PLD5: variants seen among roughly 807,000 people sequenced by gnomAD.
PLD5 encodes the protein phospholipase D family member 5.
PLD5 carries 36 observed loss-of-function variants against 61.1 expected under a neutral mutation model. The ratio of observed to expected loss-of-function variants is 0.59; its 90% CI spans 0.45 to 0.78. The LOEUF is 0.78. Among genes scored for constraint, PLD5 ranks in the 30% least tolerant of loss-of-function variants. The pLI is 0.00. For synonymous variants in PLD5, 243 were observed against 242.8 expected (o/e 1.00, Z -0.01); for missense variants, 515 against 644.4 (o/e 0.80, Z 2.17).
At chr1:242,100,365 C>T (rs1015182637) in intron 9 of PLD5, among the ~76,000 whole-genome samples, 17 of 152,158 alleles carry the variant, frequency 1.1e-4, no homozygotes, top group Non-Finnish European at 2.1e-4. Flanking sequence ...CCAGGACTCA[C>T]CTTTGATGAG....
chr1:242,197,678 A>G (rs1453929001), intron 5 of PLD5, among the ~76,000 whole-genome samples: 3 of 145,236 alleles, frequency 2.1e-5, no homozygotes, highest in African/African-American at 7.8e-5. Context: ...TCTGTCCCCC[A>G]GGCTGGAATG....
chr1:242,484,214 C>A (rs1302432829), intron 1 of PLD5, among the ~76,000 whole-genome samples: 3 of 152,044 alleles, frequency 2.0e-5, no homozygotes, highest in Non-Finnish European at 4.4e-5. Flanking sequence ...AAGATCAGAG[C>A]AGAACTAAAG....
chr1:242,241,869 C>CTATATATATATA (rs752113161), intron 4 of PLD5, among the ~76,000 whole-genome samples: 3 of 70,856 alleles, frequency 4.2e-5, no homozygotes, highest in Admixed American at 1.8e-4. Context: ...GCTTTACTTA[C>CTATATATATATA]TATATATATA....
At chr1:242,449,328 C>G (rs552819164) in intron 1 of PLD5, 109 of 1,536,122 alleles carry the variant, frequency 7.1e-5, no homozygotes, top group Middle Eastern at 3.3e-4. Flanking sequence ...CACACTAGGT[C>G]TGTAGAAAAC....
chr1:242,321,572 T>G (rs1435795086), intron 2 of PLD5, among the ~76,000 whole-genome samples: 1 of 152,192 alleles, frequency 6.6e-6, no homozygotes, highest in Non-Finnish European at 1.5e-5. Flanking sequence ...CCCAAAGTGC[T>G]GGGATTACAG....
At chr1:242,510,863 A>G (rs183028663) in intron 1 of PLD5, among the ~76,000 whole-genome samples, 76 of 152,228 alleles carry the variant, frequency 5.0e-4, no homozygotes, top group African/African-American at 1.7e-3. Flanking sequence ...AAAAAGTTCA[A>G]ATGAAGATGT....
intron 1 of PLD5, among the ~76,000 whole-genome samples, chr1:242,350,243 T>C (rs1176600513): frequency 6.6e-6 from 1 of 152,148 alleles, no homozygotes; most frequent in African/African-American, 2.4e-5. Context: ...ACCGAGTTTA[T>C]GATATTTTGT....
At chr1:242,202,132 C>G (rs760405921) in intron 5 of PLD5, among the ~76,000 whole-genome samples, 2 of 152,072 alleles carry the variant, frequency 1.3e-5, no homozygotes, top group Admixed American at 6.6e-5. Context: ...GAGAATCACT[C>G]GAACCCAGCA....
At chr1:242,493,975 G>A (rs1042806311) in intron 1 of PLD5, among the ~76,000 whole-genome samples, 2 of 152,182 alleles carry the variant, frequency 1.3e-5, no homozygotes, top group Admixed American at 6.5e-5. Context: ...AGTGAGCTCA[G>A]GTAGCTCAGA....
chr1:242,479,669 C>T (rs1349516228), intron 1 of PLD5, among the ~76,000 whole-genome samples: 2 of 152,006 alleles, frequency 1.3e-5, no homozygotes, highest in African/African-American at 4.8e-5. Flanking sequence ...AATTAACATG[C>T]TGATGCTAAA....
At chr1:242,281,730 G>T (rs1278833623) in intron 3 of PLD5, among the ~76,000 whole-genome samples, 5 of 152,052 alleles carry the variant, frequency 3.3e-5, no homozygotes, top group Admixed American at 3.3e-4. Flanking sequence ...GATGGTGAGG[G>T]GGTGAACAGT....
At chr1:242,338,345 C>T (rs914978256) in intron 2 of PLD5, among the ~76,000 whole-genome samples, 1 of 152,122 alleles carries the variant, frequency 6.6e-6, no homozygotes, top group African/African-American at 2.4e-5. Flanking sequence ...CATAGGGCCT[C>T]TTCCTGACAA....
intron 5 of PLD5, among the ~76,000 whole-genome samples, chr1:242,193,414 G>A (rs1668407010): frequency 6.6e-6 from 1 of 152,158 alleles, no homozygotes; most frequent in Non-Finnish European, 1.5e-5. Context: ...GAAGATTTAG[G>A]GTGGCTTCAG....
intron 1 of PLD5, among the ~76,000 whole-genome samples, chr1:242,402,690 T>C (rs1389252379): frequency 1.3e-5 from 2 of 152,244 alleles, no homozygotes; most frequent in Non-Finnish European, 2.9e-5. Flanking sequence ...AGTATTTTGT[T>C]TTCTAATGTC....
chr1:242,140,243 G>T (rs975234413), intron 5 of PLD5, among the ~76,000 whole-genome samples: 1 of 152,198 alleles, frequency 6.6e-6, no homozygotes, highest in Non-Finnish European at 1.5e-5. Context: ...CCCTCATAAA[G>T]ATGCTTATCT....
At chr1:242,099,962 T>C (rs1660560434) in intron 9 of PLD5, among the ~76,000 whole-genome samples, 1 of 152,178 alleles carries the variant, frequency 6.6e-6, no homozygotes. Context: ...ATATATATCA[T>C]GGAAAACTAG....
intron 2 of PLD5, among the ~76,000 whole-genome samples, chr1:242,344,324 T>C (rs182678071): frequency 3.6e-4 from 55 of 152,246 alleles, no homozygotes; most frequent in African/African-American, 1.3e-3. Context: ...CTGTGAAGCT[T>C]TCCCATTTCT....
At chr1:242,503,939 G>A (rs1167423556) in intron 1 of PLD5, among the ~76,000 whole-genome samples, 1 of 152,164 alleles carries the variant, frequency 6.6e-6, no homozygotes, top group Non-Finnish European at 1.5e-5. Flanking sequence ...TTTTATGTGG[G>A]ATAAAAGATT....
intron 1 of PLD5, among the ~76,000 whole-genome samples, chr1:242,410,567 AT>A (rs1050134352): frequency 4.7e-5 from 7 of 149,582 alleles, no homozygotes; most frequent in Non-Finnish European, 7.5e-5. Context: ...GCTATTTTCT[AT>A]TTTTTTTTTC....
Sources: gnomAD v4.1 joint callset for allele counts (sites outside exome capture counted in the v4.1 genomes callset) on GRCh38, gnomAD v4.1.1 for gene constraint, MANE v1.5 for transcripts, NCBI Gene and HGNC (gene_info 2026-07-23, HGNC 2026-07-21) for gene names.